Variants in GNG2 observed in about 807,000 individuals in gnomAD.
GNG2 encodes G protein subunit gamma 2, also known as guanine nucleotide-binding protein G(I)/G(S)/G(O) subunit gamma-2.
In GNG2, 5 loss-of-function variants were observed where a neutral mutation model predicts 5.5. The observed-to-expected ratio is 0.91, with a 90% CI of 0.48 to 1.92. The LOEUF is 1.92. Among genes scored for constraint, GNG2 ranks in the 30% most tolerant of loss-of-function variants. GNG2 has a pLI of 0.01. For missense variants in GNG2, 55 were observed against 88.4 expected, an observed-to-expected ratio of 0.62 and a Z score of 1.52; for synonymous variants, 28 against 32.0, an observed-to-expected ratio of 0.88 and a Z score of 0.42.
intron 2 of GNG2, among the ~76,000 whole-genome samples, chr14:51,831,182 C>T (rs753131388): frequency 5.3e-5 from 8 of 152,174 alleles, no homozygotes; most frequent in Non-Finnish European, 1.2e-4. Flanking sequence ...CCCAGAGGCC[C>T]CTGCGTTTAA....
intron 2 of GNG2, among the ~76,000 whole-genome samples, chr14:51,932,246 CAAA>C (rs781725794): frequency 5.2e-4 from 12 of 23,196 alleles, no homozygotes; most frequent in Admixed American, 1.2e-3. Flanking sequence ...GACTCTGTCT[CAAA>C]AAAAAAAAAA....
chr14:51,914,028 G>T, intron 2 of GNG2: 1 of 519,978 alleles, frequency 1.9e-6, no homozygotes, highest in Non-Finnish European at 3.4e-6. Flanking sequence ...TTCCATGTGT[G>T]CTTAAAACTG....
chr14:51,906,584 C>T (rs1156795351), intron 2 of GNG2, among the ~76,000 whole-genome samples: 1 of 152,072 alleles, frequency 6.6e-6, no homozygotes, highest in Non-Finnish European at 1.5e-5. Context: ...AATCTCAATA[C>T]ATTATAGGAT....
At chr14:51,944,357 TG>T (rs1804485267) in intron 2 of GNG2, among the ~76,000 whole-genome samples, 1 of 152,212 alleles carries the variant, frequency 6.6e-6, no homozygotes, top group Non-Finnish European at 1.5e-5. Flanking sequence ...GCTGTTTTTT[TG>T]CTGTTTACTC....
chr14:51,967,158 CT>C lies in GNG2; in HGVS notation c.*476del. 6.5e-6 allele frequency: 1 copy of C among 155,016 alleles called. No homozygotes were observed. Among genetic ancestry groups the C allele is most frequent in the Non-Finnish European group, 1.4e-5 (1 of 70,004 alleles). The allele number at this position is 155,016 out of a possible 1,614,324, so 9.6% of individuals were successfully genotyped here. On this transcript the variant is annotated 3_prime_UTR_variant, in exon 4 of 4. Coordinates refer to ENST00000556766, the MANE Select transcript of GNG2 (RefSeq NM_053064.5). Reference sequence around the variant, plus strand: ...ATTGATGTATAGTCACTGTGCCTTTCTTTTTCTTTCTTCCTTCTCCTCTACC... The same window carrying C: ...ATTGATGTATAGTCACTGTGCCTTTCTTTTCTTTCTTCCTTCTCCTCTACC...
At chr14:51,841,478 A>T in intron 2 of GNG2, 1 of 700,814 alleles carries the variant, frequency 1.4e-6, no homozygotes, top group Non-Finnish European at 2.6e-6. Flanking sequence ...CCTCTAAGGT[A>T]GATACTATTT....
At chr14:51,839,049 A>AT (rs58823695) in intron 2 of GNG2, among the ~76,000 whole-genome samples, 144,830 of 152,324 alleles carry the variant, frequency 0.95, 69,200 homozygotes, top group East Asian at 1. Flanking sequence ...TGTATTTGAC[A>AT]TCTGGGAAAA....
intron 2 of GNG2, chr14:51,914,132 C>A (rs1886462826): frequency 1.5e-6 from 1 of 667,228 alleles, no homozygotes; most frequent in Admixed American, 2.3e-5. Flanking sequence ...TTGCAATCAT[C>A]TTGTTTTTGG....
At chr14:51,922,337 A>G (rs1325197806) in intron 2 of GNG2, among the ~76,000 whole-genome samples, 1 of 152,248 alleles carries the variant, frequency 6.6e-6, no homozygotes, top group Non-Finnish European at 1.5e-5. Context: ...GAAGACAAGA[A>G]ATTAAGTTTA....
chr14:51,945,350 C>A (rs1888581703), intron 2 of GNG2, among the ~76,000 whole-genome samples: 1 of 152,022 alleles, frequency 6.6e-6, no homozygotes, highest in Non-Finnish European at 1.5e-5. Context: ...TATTATTCAG[C>A]CTTAAAAAGG....
intron 2 of GNG2, among the ~76,000 whole-genome samples, chr14:51,837,006 T>A (rs1338377286): frequency 6.6e-6 from 1 of 151,884 alleles, no homozygotes; most frequent in Non-Finnish European, 1.5e-5. Flanking sequence ...TATAGGCACC[T>A]GCCACCACAC....
At chr14:51,872,307 ATT>A (rs886109322) in intron 1 of GNG2, among the ~76,000 whole-genome samples, 6 of 133,098 alleles carry the variant, frequency 4.5e-5, no homozygotes, top group African/African-American at 1.7e-4. Context: ...TTAAATGACT[ATT>A]TTGTGTGTGT....
At chr14:51,875,236 G>A (rs571465765) in intron 1 of GNG2, among the ~76,000 whole-genome samples, 1 of 152,200 alleles carries the variant, frequency 6.6e-6, no homozygotes, top group Non-Finnish European at 1.5e-5. Flanking sequence ...TTCCTATGAG[G>A]TTTCTCTTGC....
chr14:51,956,715 C>T lies in GNG2; in HGVS notation c.87+5950C>T, dbSNP rs143176626. On this transcript the variant is annotated intron_variant, in intron 3 of 3. Coordinates refer to ENST00000556766, the MANE Select transcript of GNG2 (RefSeq NM_053064.5). ...GATTTTATGACTGATACCCTTAATA[C>T]ACAGGCAATTTCCCGTGTGTATAGG... Among the ~76,000 whole-genome samples the T allele has an allele frequency of 1.7e-3, 254 of 152,270 alleles. 2 individuals are homozygous for T. Among genetic ancestry groups the T allele is most frequent in the African/African-American group, 5.8e-3 (239 of 41,538 alleles).
intron 2 of GNG2, among the ~76,000 whole-genome samples, chr14:51,949,724 C>G (rs988704967): frequency 6.6e-6 from 1 of 152,162 alleles, no homozygotes; most frequent in African/African-American, 2.4e-5. Context: ...GACACCTTGA[C>G]ACAAAGTAAG....
intron 2 of GNG2, among the ~76,000 whole-genome samples, chr14:51,832,690 G>A (rs951504341): frequency 6.6e-6 from 1 of 152,218 alleles, no homozygotes. Flanking sequence ...GTCCTCACAA[G>A]GCAGGCAGGG....
At chr14:51,877,101 T>G (rs1883726468) in intron 1 of GNG2, among the ~76,000 whole-genome samples, 2 of 152,084 alleles carry the variant, frequency 1.3e-5, no homozygotes, top group South Asian at 4.2e-4. Context: ...AAGCTGTGGG[T>G]GCCAAAGATA....
chr14:51,889,048 T>C (rs1435236231), intron 2 of GNG2, among the ~76,000 whole-genome samples: 1 of 151,590 alleles, frequency 6.6e-6, no homozygotes, highest in African/African-American at 2.4e-5. Context: ...ATTAGTGGTT[T>C]CAGACTGGGG....
rs1884503316 is a variant in GNG2 at position 51,886,995 on chromosome 14, C to G, written c.-30+9338C>G. On this transcript the variant is annotated intron_variant, in intron 2 of 3. Transcript: ENST00000556766. ...CAGTATTTCCAAAAAGCGTAGATAACTTACAAAAACTTGTTTAAACCAGCT... is the reference window on the plus strand; with the variant it reads ...CAGTATTTCCAAAAAGCGTAGATAAGTTACAAAAACTTGTTTAAACCAGCT... Among the ~76,000 whole-genome samples the G allele has an allele frequency of 5.3e-5, 8 of 152,300 alleles. 1 individual carries two copies. The South Asian group carries it at 1.7e-3, about 32-fold the overall frequency.
Sources: gnomAD v4.1 joint callset for allele counts (sites outside exome capture counted in the v4.1 genomes callset) on GRCh38, gnomAD v4.1.1 for gene constraint, MANE v1.5 for transcripts, NCBI Gene and HGNC (gene_info 2026-07-23, HGNC 2026-07-21) for gene names.